Variants in GZMM observed in about 807,000 individuals in gnomAD.
GZMM encodes granzyme M, also known as HU-Met-1.
In GZMM, 23 loss-of-function variants were observed where a neutral mutation model predicts 19.2. The observed-to-expected ratio is 1.20, with a 90% confidence interval of 0.86 to 1.69. The LOEUF (loss-of-function observed/expected upper bound fraction) is 1.69, where lower values mean the gene tolerates loss of function less well. Among genes scored for constraint, GZMM ranks in the 40% most tolerant of loss-of-function variants. GZMM has a pLI of 0.00. For missense variants in GZMM, 373 were observed against 352.2 expected, an observed-to-expected ratio of 1.06 and a Z score of -0.47; for synonymous variants, 178 against 160.2, an observed-to-expected ratio of 1.11 and a Z score of -0.84.
chr19:549,686 G>T lies in GZMM; in HGVS notation c.669G>T (p.Leu223=). The T allele has an allele frequency of 1.2e-6, 2 of 1,613,794 alleles. No homozygotes were observed. Among genetic ancestry groups the T allele is most frequent in the South Asian group, 2.2e-5 (2 of 91,086 alleles). ...CGKGRVLARV[L]SFSSRVCTDI... ...AAGGCCGGGTGTTGGCCAGAGTCCT[G>T]TCCTTCAGCTCCAGGGTCTGCACTG... The change falls in exon 5 of 5, where the codon CTG becomes CTT. Residue 223 remains leucine, a synonymous_variant. Transcript: ENST00000264553.
At chr19:548,491 G>A in intron 2 of GZMM, 51 bp from the exon 3 acceptor site, 2 of 1,588,034 alleles carry the variant, frequency 1.3e-6, no homozygotes. Flanking sequence ...GCATGTGGCG[G>A]GTCGTCCACG....
intron 2 of GZMM, 118 bp downstream of exon 2, chr19:547,554 C>T (rs538294785): frequency 2.1e-5 from 16 of 774,250 alleles, no homozygotes; most frequent in Middle Eastern, 4.2e-4. Flanking sequence ...CGTCCCCTCC[C>T]GGTGACGACT....
intron 3 of GZMM, 97 bp from the exon 4 acceptor site, chr19:548,824 AC>A: frequency 6.9e-6 from 1 of 144,872 alleles, no homozygotes; most frequent in Non-Finnish European, 1.2e-5. Flanking sequence ...CCCATTGCCC[AC>A]CCTCCCCCCA....
chr19:546,225 A>G (rs556051900), intron 1 of GZMM, among the ~76,000 whole-genome samples: 22 of 152,320 alleles, frequency 1.4e-4, no homozygotes, highest in African/African-American at 4.6e-4. Flanking sequence ...ATTATGCACT[A>G]TACAATTTAC....
At chr19:547,471 G>A in intron 2 of GZMM, 35 bp downstream of exon 2, 1 of 1,346,016 alleles carries the variant, frequency 7.4e-7, no homozygotes, top group South Asian at 2.0e-5. Flanking sequence ...CAGGGGTCCG[G>A]GGAATCCATC....
chr19:546,011 C>T (rs928196034), intron 1 of GZMM, among the ~76,000 whole-genome samples: 27 of 151,796 alleles, frequency 1.8e-4, no homozygotes, highest in African/African-American at 4.8e-4. Flanking sequence ...AACTCCTGAC[C>T]TCAGGCTGTC....
chr19:545,019 T>C (rs1056149035), intron 1 of GZMM, among the ~76,000 whole-genome samples: 2 of 150,360 alleles, frequency 1.3e-5, no homozygotes, highest in African/African-American at 2.5e-5. Flanking sequence ...TATCCACCCA[T>C]CCATCCATCA....
In GZMM at chr19:547,295, C is replaced by T; in HGVS notation, c.71C>T (p.Thr24Ile). The change falls in exon 2 of 5, where the codon ACC becomes ATC. Residue 24 changes from threonine (T) to isoleucine (I), a missense_variant. Physicochemically the swap from Thr to Ile is moderately conservative, Grantham distance 89. Coordinates refer to ENST00000264553, the MANE Select transcript of GZMM (RefSeq NM_005317.4). ...ATCCTGGCAGGCAGCTCCTTTGGGA[C>T]CCAGATCATCGGGGGCCGGGAGGTG... is the stretch of plus-strand genomic sequence containing the variant. ...GALSVGSSFG[T>I]QIIGGREVIP... 2 of 1,541,544 alleles carry T rather than the reference C, an allele frequency of 1.3e-6. No individual in the cohort carries two copies.
rs753936908 is a variant in GZMM, at chr19:547,410, G to GCCC, written c.186_187insCCC (p.Leu62_Thr63insPro). The GCCC allele has an allele frequency of 3.3e-6, 5 of 1,495,158 alleles. No individual in the cohort carries two copies. The highest frequency in any genetic ancestry group is 4.5e-6 in the Non-Finnish European group (5 of 1,121,188). 92.6% of individuals were successfully genotyped at this position (1,495,158 alleles called of 1,614,324 possible). A position where few individuals can be genotyped will look rare whatever the true frequency, so the allele number is the denominator to read the frequency against. On this transcript the variant is annotated inframe_insertion, in exon 2 of 5. Transcript: ENST00000264553. ...TCCTGGTGCACCCAAAGTGGGTGCT[G>GCCC]ACGGCTGCCCACTGCCTGGCCCAGC...
In GZMM at chr19:548,928, G is replaced by A. The variant is rs750356900; in HGVS notation, c.355G>A (p.Gly119Arg). ...ENDLALLQLD[G>R]KVKPSRTIRP... ...CCCTTCCTGTCACTCGTAGCTGGAC[G>A]GGAAAGTGAAGCCCAGCCGGACCAT... The change falls in exon 4 of 5, where the codon GGG (glycine) becomes AGG (arginine). Residue 119 changes from glycine to arginine, a missense_variant. Gly to Arg is a moderately radical substitution (Grantham distance 125). Transcript: ENST00000264553. The A allele has an allele frequency of 1.2e-5, 19 of 1,567,516 alleles. 1 individual carries two copies. Among genetic ancestry groups the A allele is most frequent in the Admixed American group, 3.5e-5 (2 of 57,080 alleles).
At chr19:548,503 C>T (rs755079829) in intron 2 of GZMM, 39 bp from the exon 3 acceptor site, 26 of 1,605,430 alleles carry the variant, frequency 1.6e-5, no homozygotes, top group African/African-American at 5.3e-5. Flanking sequence ...TCGTCCACGC[C>T]GGGCCAGGCC....
intron 1 of GZMM, among the ~76,000 whole-genome samples, chr19:545,796 A>T (rs994874020): frequency 1.3e-5 from 2 of 151,628 alleles, no homozygotes; most frequent in African/African-American, 4.9e-5. Flanking sequence ...GATGCCCGCC[A>T]CCTCGCCCGG....
chr19:548,864 C>T (rs1438986473), intron 3 of GZMM, 58 bp from the exon 4 acceptor site: 3 of 824,802 alleles, frequency 3.6e-6, no homozygotes, highest in African/African-American at 1.9e-5. Context: ...CTGCCGCCCC[C>T]CGCCCCCGCA....
chr19:545,088 T>A, intron 1 of GZMM, among the ~76,000 whole-genome samples: 1 of 151,522 alleles, frequency 6.6e-6, no homozygotes, highest in Non-Finnish European at 1.5e-5. Context: ...CCATCATCCA[T>A]TCCTCCTTCC....
chr19:544,840 C>A (rs1428606025), intron 1 of GZMM, among the ~76,000 whole-genome samples: 1 of 149,622 alleles, frequency 6.7e-6, no homozygotes, highest in Non-Finnish European at 1.5e-5. Context: ...GGTCCATCAT[C>A]CATCCCTCCC....
chr19:546,713 C>T (rs1189243089), intron 1 of GZMM, among the ~76,000 whole-genome samples: 1 of 151,682 alleles, frequency 6.6e-6, no homozygotes, highest in Non-Finnish European at 1.5e-5. Flanking sequence ...TGGCAGGTGC[C>T]TGTAGTCCCA....
rs148492637 is a variant in GZMM at position 544,068 on chromosome 19, C to A, written c.-4C>A. The A allele has an allele frequency of 2.7e-3, 4,161 of 1,547,740 alleles. 10 individuals are homozygous for A. Among genetic ancestry groups the A allele is most frequent in the Non-Finnish European group, 3.3e-3 (3,826 of 1,146,612 alleles). On this transcript the variant is annotated 5_prime_UTR_variant, in exon 1 of 5. Transcript: ENST00000264553. ...CAGCACCCACACTGGGTCTCCACAGCGGCATGGAGGCCTGCGTGTCTTCAC... is the reference window on the plus strand; with the variant it reads ...CAGCACCCACACTGGGTCTCCACAGAGGCATGGAGGCCTGCGTGTCTTCAC...
chr19:547,389 G>A lies in GZMM; in HGVS notation c.165G>A (p.Leu55=). The part of the protein sequence containing the change: ...RNGSHLCGGV[L]VHPKWVLTAA... ...GCTCCCACCTGTGCGGGGGTGTCCT[G>A]GTGCACCCAAAGTGGGTGCTGACGG... The change falls in exon 2 of 5, where the codon CTG becomes CTA. Residue 55 remains leucine (L), a synonymous_variant. Transcript: ENST00000264553. 6.5e-7 allele frequency: 1 copy of A among 1,534,240 alleles called. No homozygotes were observed.
At position 546,662 on chromosome 19, in the gene GZMM, A is replaced by C. The variant is rs1980293757; in HGVS notation, c.56-618A>C. On this transcript the variant is annotated intron_variant, in intron 1 of 4. Transcript: ENST00000264553. ...AGACCAGCCTGGCTAACATGGTGAA[A>C]CCCCATCTGTACTAAAAATACAAAA... Among the ~76,000 whole-genome samples the C allele has an allele frequency of 2.7e-5, 4 of 150,470 alleles. No homozygotes were observed. The South Asian group carries it at 8.4e-4, about 32-fold the overall frequency.
Sources: gnomAD v4.1 joint callset for allele counts (sites outside exome capture counted in the v4.1 genomes callset) on GRCh38, gnomAD v4.1.1 for gene constraint, MANE v1.5 for transcripts, NCBI Gene and HGNC (gene_info 2026-07-23, HGNC 2026-07-21) for gene names.